Variants in DHRSX observed in about 807,000 individuals in gnomAD.
The protein encoded by DHRSX is dehydrogenase/reductase X-linked.
Under a neutral mutation model 34.0 loss-of-function variants are expected in DHRSX, and 31 were observed. The ratio of observed to expected loss-of-function variants is 0.91; its 90% CI spans 0.69 to 1.23. The LOEUF is 1.23. Ranked by LOEUF, DHRSX falls within the 50% of genes most tolerant of loss-of-function variation. The probability of loss-of-function intolerance (pLI) is 0.00; values close to 1 mark genes in which losing one functional copy is unlikely to be tolerated. For synonymous variants in DHRSX, 201 were observed against 183.8 expected (o/e 1.09, Z -0.76); for missense variants, 414 against 428.1 (o/e 0.97, Z 0.29).
chrX:2,317,509 C>A (rs111546923), intron 3 of DHRSX, among the ~76,000 whole-genome samples: 27,732 of 151,740 alleles, frequency 0.18, 2,688 homozygotes, highest in Admixed American at 0.24. Context: ...GCCTCGGCCT[C>A]CCAAAGTGCT....
intron 5 of DHRSX, among the ~76,000 whole-genome samples, chrX:2,263,275 T>A (rs1283518189): frequency 1.3e-5 from 2 of 152,120 alleles, no homozygotes; most frequent in African/African-American, 4.8e-5. Flanking sequence ...TGGGAGGTGA[T>A]GAGGTCACGA....
chrX:2,239,274 T>C (rs1405907537), intron 6 of DHRSX, among the ~76,000 whole-genome samples: 2 of 152,088 alleles, frequency 1.3e-5, no homozygotes, highest in East Asian at 3.9e-4. Context: ...CTCATGCCTG[T>C]CATCCCAGCA....
At chrX:2,421,369 G>A (rs1490460514) in intron 2 of DHRSX, among the ~76,000 whole-genome samples, 3 of 152,186 alleles carry the variant, frequency 2.0e-5, no homozygotes, top group African/African-American at 2.4e-5. Flanking sequence ...GACAGAGTGA[G>A]ACGCTGTCTC....
rs1285551603 is a variant in DHRSX, at chrX:2,265,939, C to G, written c.596+801G>C. Among the ~76,000 whole-genome samples, 161 of 139,530 alleles carry G rather than the reference C, an allele frequency of 1.2e-3. 1 individual carries two copies. In the South Asian group the frequency reaches 0.017, roughly 15 times the overall value. 91.5% of individuals were successfully genotyped at this position (139,530 alleles called of 152,430 possible). ...CAGTGCTCGGCAGATGCAGGGAGCA[C>G]TGTCCCCAGAGCACCAGTGTACAGC... On this transcript the variant is annotated intron_variant, in intron 5 of 6. Transcript: ENST00000334651.
At chrX:2,342,599 G>C (rs1415404013) in intron 3 of DHRSX, among the ~76,000 whole-genome samples, 7 of 152,146 alleles carry the variant, frequency 4.6e-5, no homozygotes, top group African/African-American at 1.4e-4. Context: ...GTTTCTGCCT[G>C]AGAACTCTCC....
chrX:2,320,404 C>G (rs2042294989), intron 3 of DHRSX, among the ~76,000 whole-genome samples: 1 of 145,538 alleles, frequency 6.9e-6, no homozygotes. Flanking sequence ...AAGAGATTCT[C>G]CTCCCTAATC....
intron 3 of DHRSX, among the ~76,000 whole-genome samples, chrX:2,310,577 A>G (rs1272183665): frequency 2.0e-5 from 3 of 150,948 alleles, no homozygotes; most frequent in Admixed American, 6.7e-5. Context: ...AGAGAGAGAG[A>G]GGGAGAGAGA....
intron 5 of DHRSX, among the ~76,000 whole-genome samples, chrX:2,264,528 G>A (rs1420264674): frequency 1.3e-5 from 2 of 150,856 alleles, no homozygotes; most frequent in Admixed American, 1.3e-4. Context: ...TGTGCCCAGA[G>A]CACCTGTGCT....
At chrX:2,410,305 A>G (rs1474135621) in intron 2 of DHRSX, among the ~76,000 whole-genome samples, 5 of 152,088 alleles carry the variant, frequency 3.3e-5, no homozygotes, top group African/African-American at 1.2e-4. Flanking sequence ...AAAAGTGTTG[A>G]GAGAAGGGAG....
chrX:2,470,457 C>T (rs2044572276), intron 1 of DHRSX, among the ~76,000 whole-genome samples: 1 of 151,854 alleles, frequency 6.6e-6, no homozygotes, highest in Non-Finnish European at 1.5e-5. Context: ...CCTGTAGTCC[C>T]AGCTACTTGG....
rs757310365 is a variant in DHRSX at position 2,482,555 on chromosome X, G to T, written c.109+18262C>A. Among the ~76,000 whole-genome samples, 6 of 152,258 alleles carry T rather than the reference G, an allele frequency of 3.9e-5. No homozygotes were observed. The East Asian group carries it at 1.2e-3, about 29-fold the overall frequency. ...GCTGGGATGACAGGTGTGAGCCATT[G>T]TGCCCGGTCTCATACCATTTTTGTA... On this transcript the variant is annotated intron_variant, in intron 1 of 6. Transcript: ENST00000334651.
chrX:2,340,120 A>G (rs1299540171), intron 3 of DHRSX, among the ~76,000 whole-genome samples: 4 of 151,810 alleles, frequency 2.6e-5, no homozygotes, highest in Admixed American at 2.0e-4. Flanking sequence ...GTTCTCACTC[A>G]TAAGTGGGAG....
chrX:2,260,605 G>A (rs765495453), intron 5 of DHRSX, among the ~76,000 whole-genome samples: 10 of 152,054 alleles, frequency 6.6e-5, no homozygotes, highest in East Asian at 1.9e-4. Context: ...GATTACAGAC[G>A]CGCAGCACCA....
intron 3 of DHRSX, among the ~76,000 whole-genome samples, chrX:2,318,368 C>A (rs2042266059): frequency 6.6e-6 from 1 of 151,576 alleles, no homozygotes; most frequent in African/African-American, 2.4e-5. Flanking sequence ...AAAAAAGATA[C>A]CCTTCCAGCC....
At chrX:2,324,805 G>C (rs765592131) in intron 3 of DHRSX, among the ~76,000 whole-genome samples, 24 of 141,198 alleles carry the variant, frequency 1.7e-4, no homozygotes, top group African/African-American at 6.5e-4. Flanking sequence ...GTCCCGCTCT[G>C]TCGCCCAGGC....
chrX:2,293,524 G>T (rs1238561778), intron 3 of DHRSX, among the ~76,000 whole-genome samples: 1 of 152,128 alleles, frequency 6.6e-6, no homozygotes, highest in Non-Finnish European at 1.5e-5. Context: ...GGTATTGGGG[G>T]ACACTGCCAG....
chrX:2,264,179 C>T lies in DHRSX; in HGVS notation c.596+2561G>A, dbSNP rs781234985. 3.3e-5 allele frequency among the ~76,000 whole-genome samples: 5 copies of T among 152,340 alleles called. No individual in the cohort carries two copies. The South Asian group carries it at 6.2e-4, about 19-fold the overall frequency. ...ACACAGCGCCAGGAGCACCTGTGCCCGGCAGATGCAGGCAGCACCATTTCC... is the reference window on the plus strand; with the variant it reads ...ACACAGCGCCAGGAGCACCTGTGCCTGGCAGATGCAGGCAGCACCATTTCC... On this transcript the variant is annotated intron_variant, in intron 5 of 6. Coordinates refer to ENST00000334651, the MANE Select transcript of DHRSX (RefSeq NM_145177.3).
chrX:2,489,096 T>A, intron 1 of DHRSX: 1 of 1,613,700 alleles, frequency 6.2e-7, no homozygotes, highest in South Asian at 1.1e-5. Flanking sequence ...TTGATGACGC[T>A]GGCGGGCGGC....
chrX:2,259,377 T>TATATATATAGATATATAG (rs1387854163), intron 5 of DHRSX, among the ~76,000 whole-genome samples: 41 of 69,782 alleles, frequency 5.9e-4, no homozygotes, highest in African/African-American at 2.9e-3. Flanking sequence ...TATATATAGA[T>TATATATATAGATATATAG]ATATATATAG....
Sources: allele counts gnomAD v4.1 joint callset (sites outside exome capture counted in the v4.1 genomes callset), GRCh38; gene constraint gnomAD v4.1.1; transcripts MANE v1.5; gene names NCBI Gene and HGNC (gene_info 2026-07-23, HGNC 2026-07-21).